Variants in RANBP2 observed in about 807,000 individuals in gnomAD.
RANBP2 encodes the protein RAN binding protein 2.
A neutral mutation model predicts 303.6 loss-of-function variants in RANBP2; 57 were observed. The ratio of observed to expected loss-of-function variants is 0.19; its 90% CI spans 0.15 to 0.23. RANBP2 has a LOEUF of 0.23. RANBP2 is among the 10% of genes least tolerant of loss of function. The probability of loss-of-function intolerance (pLI) is 1.00; values close to 1 mark genes in which losing one functional copy is unlikely to be tolerated. For missense variants in RANBP2, 3,138 were observed against 3,780.8 expected (o/e 0.83, Z 4.46); for synonymous variants, 1,167 against 1,301.5 (o/e 0.90, Z 2.23).
At chr2:109,136,939 A>G in the RANBP2 span, among the ~76,000 whole-genome samples, 1 of 152,158 alleles carries the variant, frequency 6.6e-6, no homozygotes, top group Non-Finnish European at 1.5e-5. Context: ...ACCCTGGTTC[A>G]AGGAATGGGA....
At chr2:109,295,161 C>T in the RANBP2 span, among the ~76,000 whole-genome samples, 1 of 152,244 alleles carries the variant, frequency 6.6e-6, no homozygotes, top group African/African-American at 2.4e-5. Flanking sequence ...GCCTGGCCTG[C>T]AGGTGCCTGC....
the RANBP2 span, among the ~76,000 whole-genome samples, chr2:109,200,179 C>T: frequency 9.9e-5 from 15 of 152,232 alleles, no homozygotes; most frequent in South Asian, 1.0e-3. Context: ...TTCTAGTTTA[C>T]AAGAGAACAG....
At chr2:109,036,295 C>G in the RANBP2 span, among the ~76,000 whole-genome samples, 2 of 152,142 alleles carry the variant, frequency 1.3e-5, no homozygotes, top group Admixed American at 6.5e-5. Context: ...TTTACACACT[C>G]TATCTCAGAA....
chr2:109,353,523 AG>A, the RANBP2 span, among the ~76,000 whole-genome samples: 12 of 152,148 alleles, frequency 7.9e-5, no homozygotes, highest in Non-Finnish European at 1.5e-4. Context: ...TAGGGCAGCA[AG>A]GGGCGCCTGG....
At chr2:109,432,304 C>G in the RANBP2 span, among the ~76,000 whole-genome samples, 934 of 152,266 alleles carry the variant, frequency 6.1e-3, 10 homozygotes, top group African/African-American at 0.021. Context: ...CCCGAAGGCT[C>G]CCTGCCTCGT....
chr2:109,699,808 C>A, the RANBP2 span, among the ~76,000 whole-genome samples: 2 of 152,128 alleles, frequency 1.3e-5, no homozygotes, highest in African/African-American at 2.4e-5. Flanking sequence ...CTCAGTGAGA[C>A]CTCGGTTGGG....
At chr2:108,954,313 G>A in the RANBP2 span, among the ~76,000 whole-genome samples, 1 of 152,224 alleles carries the variant, frequency 6.6e-6, no homozygotes, top group Non-Finnish European at 1.5e-5. Context: ...AAGATATATG[G>A]GCTGCCATTT....
the RANBP2 span, among the ~76,000 whole-genome samples, chr2:109,139,358 A>G: frequency 6.6e-6 from 1 of 151,854 alleles, no homozygotes; most frequent in Non-Finnish European, 1.5e-5. Flanking sequence ...TAATTTTGTC[A>G]CTAGCAGTCA....
the RANBP2 span, among the ~76,000 whole-genome samples, chr2:109,486,438 C>T: frequency 5.3e-5 from 8 of 152,088 alleles, no homozygotes; most frequent in African/African-American, 1.7e-4. Flanking sequence ...ATTTATTTGA[C>T]AAAAATATAT....
the RANBP2 span, among the ~76,000 whole-genome samples, chr2:109,243,950 T>A: frequency 8.1e-3 from 1,239 of 152,334 alleles, 21 homozygotes; most frequent in African/African-American, 0.028. Flanking sequence ...CATGCAGCCA[T>A]GGGCACTTGG....
At chr2:108,890,935 T>C in the RANBP2 span, among the ~76,000 whole-genome samples, 5 of 152,204 alleles carry the variant, frequency 3.3e-5, no homozygotes, top group African/African-American at 1.2e-4. Flanking sequence ...TATTCTCCCT[T>C]ATGCAATCTA....
At chr2:109,380,578 T>A in the RANBP2 span, among the ~76,000 whole-genome samples, 3 of 152,234 alleles carry the variant, frequency 2.0e-5, no homozygotes, top group African/African-American at 7.2e-5. Flanking sequence ...AAGCCCCTTG[T>A]CCTCGCTGCC....
the RANBP2 span, among the ~76,000 whole-genome samples, chr2:109,666,768 C>T: frequency 6.6e-6 from 1 of 152,234 alleles, no homozygotes; most frequent in South Asian, 2.1e-4. Context: ...ACTCATTAGG[C>T]TGAAAAAAAT....
chr2:108,917,071 G>A, the RANBP2 span, among the ~76,000 whole-genome samples: 1 of 152,214 alleles, frequency 6.6e-6, no homozygotes. Flanking sequence ...AGGGAGAGGA[G>A]CAAAGACCCT....
chr2:109,426,080 TA>T, the RANBP2 span, among the ~76,000 whole-genome samples: 2 of 152,154 alleles, frequency 1.3e-5, no homozygotes, highest in Non-Finnish European at 2.9e-5. Flanking sequence ...GTATATTGTA[TA>T]TTTTTTTAGT....
At chr2:109,318,115 C>A in the RANBP2 span, among the ~76,000 whole-genome samples, 1 of 146,674 alleles carries the variant, frequency 6.8e-6, no homozygotes, top group Admixed American at 6.8e-5. Flanking sequence ...AAAAAAAGCC[C>A]CCTTTAAGCA....
rs201440964 is a variant in RANBP2 at position 108,770,621 on chromosome 2, CAAAT to C, written c.7850-1059_7850-1056del. 8.1e-3 allele frequency among the ~76,000 whole-genome samples: 1,213 copies of C among 150,260 alleles called. 21 individuals carry two copies. The highest frequency in any genetic ancestry group is 0.027 in the African/African-American group (1,106 of 40,774). ...TGGGTGACAAAGCAAGACTGCATCTCAAATAAATAAATAAATAAATAAATTTTCT... is the reference window on the plus strand; with the variant it reads ...TGGGTGACAAAGCAAGACTGCATCTCAAATAAATAAATAAATAAATTTTCT... On this transcript the variant is annotated intron_variant, in intron 20 of 28. Transcript: ENST00000283195.
chr2:109,354,946 T>G, the RANBP2 span, among the ~76,000 whole-genome samples: 1 of 152,162 alleles, frequency 6.6e-6, no homozygotes, highest in South Asian at 2.1e-4. Flanking sequence ...GATATAGTTT[T>G]TTAGTAACCA....
At chr2:109,268,332 A>T in the RANBP2 span, among the ~76,000 whole-genome samples, 2 of 151,844 alleles carry the variant, frequency 1.3e-5, no homozygotes, top group Admixed American at 1.3e-4. Flanking sequence ...CTCACCCACA[A>T]GGACTGGACA....
Sources: gnomAD v4.1 joint callset for allele counts (sites outside exome capture counted in the v4.1 genomes callset) on GRCh38, gnomAD v4.1.1 for gene constraint, MANE v1.5 for transcripts, NCBI Gene and HGNC (gene_info 2026-07-23, HGNC 2026-07-21) for gene names.